The following PLCB1 variants were observed in gnomAD, a reference collection of about 807,000 sequenced individuals.
PLCB1 encodes the protein 1-phosphatidylinositol 4,5-bisphosphate phosphodiesterase beta-1.
PLCB1 carries 46 observed loss-of-function variants against 161.8 expected under a neutral mutation model. The observed-to-expected ratio is 0.28, with a 90% CI of 0.22 to 0.36. The LOEUF is 0.36. Ranked by LOEUF, PLCB1 falls within the 10% of genes least tolerant of loss-of-function variation. The pLI is 1.00. For synonymous variants in PLCB1, 517 were observed against 503.7 expected, an observed-to-expected ratio of 1.03 and a Z score of -0.35; for missense variants, 1,016 against 1,472.5, an observed-to-expected ratio of 0.69 and a Z score of 5.07.
intron 3 of PLCB1, among the ~76,000 whole-genome samples, chr20:8,618,480 CAGTG>C (rs1414527404): frequency 1.3e-5 from 2 of 151,568 alleles, no homozygotes; most frequent in African/African-American, 4.9e-5. Flanking sequence ...CTGAGCAACA[CAGTG>C]AGACCCCATT....
At chr20:8,133,592 T>C (rs1164451657) in intron 1 of PLCB1, among the ~76,000 whole-genome samples, 2 of 152,286 alleles carry the variant, frequency 1.3e-5, no homozygotes, top group East Asian at 3.9e-4. Context: ...TCAAATGACT[T>C]CCCCTTCCCC....
At chr20:8,825,960 T>C (rs1985674622) in intron 31 of PLCB1, among the ~76,000 whole-genome samples, 1 of 151,950 alleles carries the variant, frequency 6.6e-6, no homozygotes, top group Non-Finnish European at 1.5e-5. Flanking sequence ...TGCAACTGAG[T>C]GGATTTTGAC....
chr20:8,658,546 A>G lies in PLCB1; in HGVS notation c.704A>G (p.Lys235Arg). ...TTTTTCATTGTTTTTAGTGGTGCAA[A>G]AAGCAAACCATATCTTACCGTTGAT... ...IDNIFSEFGA[K>R]SKPYLTVDQM... Residue 235 changes from lysine to arginine, a missense_variant, in exon 9 of 32, where the codon AAA becomes AGA. Lys to Arg is a conservative substitution (Grantham distance 26, BLOSUM62 2). This residue lies in a region of PLCB1 where 117 missense variants were observed against 142.2 expected (regional missense o/e 0.82). Coordinates refer to ENST00000338037, the MANE Select transcript of PLCB1 (RefSeq NM_015192.4). The G allele has an allele frequency of 1.3e-6, 2 of 1,595,368 alleles. No individual in the cohort carries two copies. The highest frequency in any genetic ancestry group is 1.7e-6 in the Non-Finnish European group (2 of 1,174,468).
chr20:8,780,947 A>G (rs1430686464), intron 27 of PLCB1, among the ~76,000 whole-genome samples: 1 of 152,232 alleles, frequency 6.6e-6, no homozygotes, highest in Non-Finnish European at 1.5e-5. Context: ...CAATACCTGA[A>G]TTGACTAGGA....
intron 3 of PLCB1, among the ~76,000 whole-genome samples, chr20:8,474,696 A>G (rs1321210274): frequency 6.6e-6 from 1 of 152,136 alleles, no homozygotes; most frequent in African/African-American, 2.4e-5. Context: ...TGGGCTCTGC[A>G]TTTAGGCTGG....
At chr20:8,703,738 G>T (rs1460209381) in intron 11 of PLCB1, among the ~76,000 whole-genome samples, 1 of 152,120 alleles carries the variant, frequency 6.6e-6, no homozygotes, top group East Asian at 1.9e-4. Flanking sequence ...CTGTAGTTCA[G>T]ACCACACTAG....
intron 3 of PLCB1, among the ~76,000 whole-genome samples, chr20:8,590,447 G>A (rs1183454142): frequency 3.3e-5 from 5 of 151,806 alleles, no homozygotes; most frequent in Admixed American, 6.6e-5. Context: ...TTTGCTCTTT[G>A]GTAGTTTTTT....
intron 2 of PLCB1, among the ~76,000 whole-genome samples, chr20:8,357,281 G>T (rs1986391545): frequency 6.6e-6 from 1 of 152,132 alleles, no homozygotes; most frequent in African/African-American, 2.4e-5. Context: ...TTTTTTGAAA[G>T]TCTGGGGCTA....
chr20:8,651,999 T>C (rs2123303082), intron 7 of PLCB1: 1 of 152,940 alleles, frequency 6.5e-6, no homozygotes, highest in African/African-American at 2.4e-5. Flanking sequence ...TAAAATATAA[T>C]AATCAAAATA....
chr20:8,272,293 A>G (rs1449590201), intron 2 of PLCB1, among the ~76,000 whole-genome samples: 1 of 152,088 alleles, frequency 6.6e-6, no homozygotes, highest in Non-Finnish European at 1.5e-5. Context: ...AGAGGATTAG[A>G]CTAGGGTAAT....
chr20:8,677,629 A>G (rs1355445017), intron 9 of PLCB1, among the ~76,000 whole-genome samples: 3 of 152,104 alleles, frequency 2.0e-5, no homozygotes, highest in African/African-American at 7.2e-5. Flanking sequence ...AGGGACAAAA[A>G]CCAAAACAAA....
intron 3 of PLCB1, among the ~76,000 whole-genome samples, chr20:8,536,146 A>G (rs1284940458): frequency 6.6e-6 from 1 of 152,204 alleles, no homozygotes; most frequent in African/African-American, 2.4e-5. Context: ...AAGTCATGTA[A>G]GGATGAGGGG....
intron 3 of PLCB1, among the ~76,000 whole-genome samples, chr20:8,534,176 C>T (rs1984948891): frequency 6.6e-6 from 1 of 152,118 alleles, no homozygotes; most frequent in Non-Finnish European, 1.5e-5. Flanking sequence ...AATCACAGCT[C>T]AGTGCAGCCT....
chr20:8,205,514 A>G (rs1978478922), intron 2 of PLCB1, among the ~76,000 whole-genome samples: 1 of 152,152 alleles, frequency 6.6e-6, no homozygotes, highest in South Asian at 2.1e-4. Flanking sequence ...AAATTCCAAG[A>G]AAAAAATAAG....
intron 3 of PLCB1, among the ~76,000 whole-genome samples, chr20:8,612,106 C>T (rs1033877370): frequency 1.3e-5 from 2 of 152,062 alleles, no homozygotes; most frequent in Non-Finnish European, 2.9e-5. Context: ...AAAGGATCTA[C>T]GTATTTTCCT....
intron 3 of PLCB1, among the ~76,000 whole-genome samples, chr20:8,465,635 T>A (rs1365814069): frequency 6.6e-6 from 1 of 152,150 alleles, no homozygotes; most frequent in Non-Finnish European, 1.5e-5. Context: ...TTAATGTCTC[T>A]TCAGAGTCTT....
In PLCB1 at chr20:8,569,153, G is replaced by C. The variant is rs532108447; in HGVS notation, c.247-59141G>C. 4.6e-5 allele frequency among the ~76,000 whole-genome samples: 7 copies of C among 152,328 alleles called. No homozygotes were observed. In the South Asian group the frequency reaches 1.4e-3, roughly 32 times the overall value. ...TTGGGCCTACTGGACACCAGCAAGA[G>C]TGCCTTTAGGCAGAAAGCTTCAGTT... is the stretch of plus-strand genomic sequence containing the variant. On this transcript the variant is annotated intron_variant, in intron 3 of 31. Transcript: ENST00000338037.
intron 2 of PLCB1, among the ~76,000 whole-genome samples, chr20:8,156,641 C>A (rs1448545337): frequency 2.6e-5 from 4 of 152,162 alleles, no homozygotes; most frequent in African/African-American, 7.2e-5. Context: ...TTGAGGAAAC[C>A]AGCTTTGAAG....
chr20:8,289,311 C>G (rs934378747), intron 2 of PLCB1, among the ~76,000 whole-genome samples: 1 of 152,144 alleles, frequency 6.6e-6, no homozygotes, highest in East Asian at 1.9e-4. Context: ...GCACACAAGT[C>G]CCCTGTGGAT....
Sources: gnomAD v4.1 joint callset for allele counts (sites outside exome capture counted in the v4.1 genomes callset) on GRCh38, gnomAD v4.1.1 for gene constraint, gnomAD v4.1.1 regional missense constraint, MANE v1.5 for transcripts, NCBI Gene and HGNC (gene_info 2026-07-23, HGNC 2026-07-21) for gene names.